YPEL2: variants seen among roughly 807,000 people sequenced by gnomAD.
YPEL2 encodes protein yippee-like 2.
A neutral mutation model predicts 19.1 loss-of-function variants in YPEL2; 2 were observed. The observed-to-expected ratio is 0.10, with a 90% CI of 0.04 to 0.33. YPEL2 has a LOEUF of 0.33. Ranked by LOEUF, YPEL2 falls within the 10% of genes least tolerant of loss-of-function variation. The pLI is 1.00. For synonymous variants in YPEL2, 52 were observed against 50.0 expected (o/e 1.04, Z -0.17); for missense variants, 66 against 140.7 (o/e 0.47, Z 2.68).
intron 1 of YPEL2, among the ~76,000 whole-genome samples, chr17:59,337,681 T>A (rs9916246): frequency 0.25 from 37,473 of 152,024 alleles, 4,827 homozygotes; most frequent in East Asian, 0.41. Context: ...TTAGTGACTA[T>A]GTAGGGCCCT....
chr17:59,367,190 A>G (rs896144348), intron 2 of YPEL2, among the ~76,000 whole-genome samples: 1 of 152,166 alleles, frequency 6.6e-6, no homozygotes, highest in Admixed American at 6.5e-5. Flanking sequence ...GTGCCAGGCC[A>G]TGTGCTAGGT....
intron 1 of YPEL2, among the ~76,000 whole-genome samples, chr17:59,334,519 C>T (rs1179200919): frequency 2.0e-5 from 3 of 151,118 alleles, no homozygotes; most frequent in Non-Finnish European, 4.4e-5. Flanking sequence ...TGTGTGCAGG[C>T]GAATCTTGTT....
At position 59,399,814 on chromosome 17, in the gene YPEL2, C is replaced by G. The variant is rs905956830; in HGVS notation, c.*2624C>G. 1.3e-5 allele frequency: 2 copies of G among 152,572 alleles called. No individual in the cohort carries two copies. The highest frequency in any genetic ancestry group is 4.8e-5 in the African/African-American group (2 of 41,476). The allele number at this position is 152,572 out of a possible 1,614,324, so 9.5% of individuals were successfully genotyped here. ...TCAGTTCATTCTTTAATTTCCTCAC[C>G]AAATTATTGACTTAGAGCATAACCA... On this transcript the variant is annotated 3_prime_UTR_variant, in exon 5 of 5. Transcript: ENST00000312655.
chr17:59,359,265 C>T (rs1459221527), intron 2 of YPEL2, among the ~76,000 whole-genome samples: 2 of 152,142 alleles, frequency 1.3e-5, no homozygotes, highest in Non-Finnish European at 2.9e-5. Context: ...TCTCTGAAAT[C>T]TTGATGGAAT....
chr17:59,350,163 T>G (rs527887107), intron 1 of YPEL2, among the ~76,000 whole-genome samples: 34 of 151,776 alleles, frequency 2.2e-4, no homozygotes, highest in Admixed American at 1.2e-3. Context: ...CTCAACCTCC[T>G]GGGCTCAAGT....
At chr17:59,382,838 T>C (rs982438738) in intron 2 of YPEL2, among the ~76,000 whole-genome samples, 6 of 152,206 alleles carry the variant, frequency 3.9e-5, no homozygotes, top group South Asian at 2.1e-4. Flanking sequence ...AGATGAGGTC[T>C]CACTGTGTTG....
chr17:59,373,597 A>G (rs2047907105), intron 2 of YPEL2, among the ~76,000 whole-genome samples: 1 of 152,202 alleles, frequency 6.6e-6, no homozygotes, highest in Non-Finnish European at 1.5e-5. Context: ...GGCTCCGGAC[A>G]TGGCTGCTCA....
At chr17:59,389,269 T>C in intron 3 of YPEL2, 91 bp from the exon 4 acceptor site, 1 of 1,214,438 alleles carries the variant, frequency 8.2e-7, no homozygotes, top group African/African-American at 1.5e-5. Context: ...TGGGACAGCC[T>C]TTCCCAGTTA....
chr17:59,345,892 C>T (rs1259455051), intron 1 of YPEL2, among the ~76,000 whole-genome samples: 1 of 152,140 alleles, frequency 6.6e-6, no homozygotes, highest in Non-Finnish European at 1.5e-5. Context: ...ATTGTTATCT[C>T]CTTTCAGGCA....
chr17:59,360,722 G>A (rs930699916), intron 2 of YPEL2, among the ~76,000 whole-genome samples: 3 of 112,862 alleles, frequency 2.7e-5, no homozygotes, highest in Non-Finnish European at 5.2e-5. Context: ...TTGGTGAAAA[G>A]AAACTATTTG....
intron 1 of YPEL2, among the ~76,000 whole-genome samples, chr17:59,332,767 C>G (rs550331087): frequency 1.2e-4 from 18 of 152,324 alleles, no homozygotes; most frequent in Admixed American, 9.8e-4. Context: ...CACCCTCGCC[C>G]GCCCCCCAGT....
At chr17:59,395,036 T>G (rs1042980458) in intron 4 of YPEL2, among the ~76,000 whole-genome samples, 1 of 152,114 alleles carries the variant, frequency 6.6e-6, no homozygotes, top group Non-Finnish European at 1.5e-5. Context: ...CGAGATGGCA[T>G]CAGTACAGTC....
At chr17:59,338,954 T>C (rs2047713277) in intron 1 of YPEL2, among the ~76,000 whole-genome samples, 1 of 152,202 alleles carries the variant, frequency 6.6e-6, no homozygotes, top group Admixed American at 6.5e-5. Context: ...ACCCCACACA[T>C]GACTGAGGTC....
In YPEL2 at chr17:59,389,936, C is replaced by T. The variant is rs190375282; in HGVS notation, c.270+468C>T. Among the ~76,000 whole-genome samples, 813 of 152,248 alleles carry T rather than the reference C, an allele frequency of 5.3e-3. 7 individuals carry two copies. The highest frequency in any genetic ancestry group is 0.017 in the African/African-American group (713 of 41,546). ...TTCTAAATTTTTCATTCTCAAAGGA[C>T]GTGACCATGTAGTAGTATTCTGACA... is the stretch of plus-strand genomic sequence containing the variant. On this transcript the variant is annotated intron_variant, in intron 4 of 4. Coordinates refer to ENST00000312655, the MANE Select transcript of YPEL2 (RefSeq NM_001005404.4).
rs749005056 is a variant in YPEL2, at chr17:59,367,110, G to A, written c.117+13584G>A. ...ACAGGAGGAGTATGGACTTTTGTTCGAGGCTCAGCCTGGCTGATTTCTCAT... is the reference window on the plus strand; with the variant it reads ...ACAGGAGGAGTATGGACTTTTGTTCAAGGCTCAGCCTGGCTGATTTCTCAT... On this transcript the variant is annotated intron_variant, in intron 2 of 4. Coordinates refer to ENST00000312655, the MANE Select transcript of YPEL2 (RefSeq NM_001005404.4). Among the ~76,000 whole-genome samples the A allele has an allele frequency of 1.2e-4, 19 of 152,206 alleles. 1 individual carries two copies. The highest frequency in any genetic ancestry group is 8.3e-4 in the South Asian group (4 of 4,834).
chr17:59,380,289 T>C (rs2047942411), intron 2 of YPEL2, among the ~76,000 whole-genome samples: 1 of 148,660 alleles, frequency 6.7e-6, no homozygotes. Context: ...TTTTTTTTTT[T>C]TTTTTGAGAT....
At chr17:59,360,378 CGT>C (rs1369335795) in intron 2 of YPEL2, among the ~76,000 whole-genome samples, 2 of 152,134 alleles carry the variant, frequency 1.3e-5, no homozygotes, top group Admixed American at 1.3e-4. Context: ...TGCGCCCGGC[CGT>C]GTTAGTGATT....
At chr17:59,379,098 G>T (rs749130498) in intron 2 of YPEL2, among the ~76,000 whole-genome samples, 1 of 152,142 alleles carries the variant, frequency 6.6e-6, no homozygotes, top group Non-Finnish European at 1.5e-5. Context: ...TGTTCTTACT[G>T]CAGAGAAGAT....
intron 1 of YPEL2, among the ~76,000 whole-genome samples, chr17:59,342,329 ACAAT>A (rs1305664612): frequency 6.6e-6 from 1 of 152,214 alleles, no homozygotes; most frequent in Admixed American, 6.5e-5. Context: ...AACACAGATG[ACAAT>A]CAAATAATCA....
Sources: allele counts gnomAD v4.1 joint callset (sites outside exome capture counted in the v4.1 genomes callset), GRCh38; gene constraint gnomAD v4.1.1; transcripts MANE v1.5; gene names NCBI Gene and HGNC (gene_info 2026-07-23, HGNC 2026-07-21).